Variants in CGNL1 observed in about 807,000 individuals in gnomAD.
CGNL1 encodes the protein cingulin like 1.
A neutral mutation model predicts 141.2 loss-of-function variants in CGNL1; 132 were observed. The observed-to-expected ratio is 0.93, with a 90% CI of 0.81 to 1.08. CGNL1 has a LOEUF of 1.08. CGNL1 is among the 50% of genes least tolerant of loss of function. CGNL1 has a pLI of 0.00. For missense variants in CGNL1, 1,870 were observed against 1,588.6 expected, an observed-to-expected ratio of 1.18 and a Z score of -3.01; for synonymous variants, 690 against 622.1, an observed-to-expected ratio of 1.11 and a Z score of -1.63.
At chr15:57,419,311 C>T (rs189771332) in intron 1 of CGNL1, among the ~76,000 whole-genome samples, 82 of 152,314 alleles carry the variant, frequency 5.4e-4, no homozygotes, top group Non-Finnish European at 1.9e-4. Context: ...AAAGATCATA[C>T]AGAAACTACA....
At chr15:57,446,212 G>A (rs2063249133) in intron 4 of CGNL1, among the ~76,000 whole-genome samples, 1 of 152,088 alleles carries the variant, frequency 6.6e-6, no homozygotes, top group Non-Finnish European at 1.5e-5. Flanking sequence ...TTGTTTTATT[G>A]GGGTATAACT....
intron 8 of CGNL1, among the ~76,000 whole-genome samples, chr15:57,462,569 G>A (rs1176921319): frequency 2.0e-5 from 3 of 152,178 alleles, no homozygotes; most frequent in Non-Finnish European, 2.9e-5. Context: ...AGGGAAAGAG[G>A]GGAATTACAG....
At chr15:57,503,199 G>A (rs1452016232) in intron 8 of CGNL1, among the ~76,000 whole-genome samples, 2 of 152,186 alleles carry the variant, frequency 1.3e-5, no homozygotes. Flanking sequence ...ATCCTCAATA[G>A]TTAGGTCAGT....
intron 13 of CGNL1, among the ~76,000 whole-genome samples, chr15:57,530,218 G>C (rs1334429225): frequency 6.6e-6 from 1 of 152,232 alleles, no homozygotes; most frequent in African/African-American, 2.4e-5. Flanking sequence ...TGGTGATTGG[G>C]TTGTTAGGTC....
intron 1 of CGNL1, among the ~76,000 whole-genome samples, chr15:57,401,341 G>A (rs1203367099): frequency 2.0e-5 from 3 of 152,166 alleles, no homozygotes; most frequent in Admixed American, 1.3e-4. Context: ...TATACATTGA[G>A]CCAGTGCGCC....
intron 8 of CGNL1, among the ~76,000 whole-genome samples, chr15:57,474,676 CT>C: frequency 6.6e-6 from 1 of 152,264 alleles, no homozygotes; most frequent in East Asian, 1.9e-4. Flanking sequence ...TAAAGGGATA[CT>C]ATTTGTGTTA....
At chr15:57,404,094 C>T (rs1326518938) in intron 1 of CGNL1, among the ~76,000 whole-genome samples, 2 of 152,226 alleles carry the variant, frequency 1.3e-5, no homozygotes, top group East Asian at 1.9e-4. Flanking sequence ...CTGTCTCTTC[C>T]TTCTCAGCCC....
At chr15:57,390,149 A>G (rs1030073835) in intron 1 of CGNL1, among the ~76,000 whole-genome samples, 12 of 152,190 alleles carry the variant, frequency 7.9e-5, no homozygotes, top group South Asian at 2.1e-4. Context: ...ACAAAGGTTC[A>G]TTTTCCCCTC....
chr15:57,406,418 C>T (rs1191032597), intron 1 of CGNL1, among the ~76,000 whole-genome samples: 1 of 152,150 alleles, frequency 6.6e-6, no homozygotes, highest in African/African-American at 2.4e-5. Context: ...GCATTCTGAA[C>T]TTTACAGGCT....
intron 13 of CGNL1, among the ~76,000 whole-genome samples, chr15:57,529,229 A>G (rs1378669655): frequency 6.6e-6 from 1 of 152,144 alleles, no homozygotes. Flanking sequence ...TTGCCACACC[A>G]CATTCTCCAT....
At chr15:57,404,842 A>C (rs758410455) in intron 1 of CGNL1, among the ~76,000 whole-genome samples, 3 of 152,140 alleles carry the variant, frequency 2.0e-5, no homozygotes, top group Non-Finnish European at 2.9e-5. Context: ...TTCATGTGGA[A>C]TTGGGAGATT....
At chr15:57,487,693 T>C (rs184506630) in intron 8 of CGNL1, among the ~76,000 whole-genome samples, 1 of 152,358 alleles carries the variant, frequency 6.6e-6, no homozygotes, top group Admixed American at 6.5e-5. Context: ...GATTGTGCTG[T>C]TATTGAGAAC....
At chr15:57,424,244 C>T (rs2062949192) in intron 1 of CGNL1, among the ~76,000 whole-genome samples, 2 of 152,334 alleles carry the variant, frequency 1.3e-5, no homozygotes, top group African/African-American at 2.4e-5. Flanking sequence ...CTGGCACTCA[C>T]ACGGCTTAGA....
chr15:57,429,854 G>A (rs2063023082), intron 1 of CGNL1, among the ~76,000 whole-genome samples: 1 of 152,180 alleles, frequency 6.6e-6, no homozygotes, highest in Admixed American at 6.5e-5. Context: ...CTATCACCCA[G>A]GCTGGCATGG....
intron 1 of CGNL1, among the ~76,000 whole-genome samples, chr15:57,425,482 C>G (rs1174810112): frequency 2.0e-5 from 3 of 152,208 alleles, no homozygotes; most frequent in Admixed American, 6.5e-5. Flanking sequence ...TGGCTCACGC[C>G]TTGTAATCTC....
chr15:57,532,185 A>G (rs893221383), intron 14 of CGNL1, among the ~76,000 whole-genome samples: 6 of 152,210 alleles, frequency 3.9e-5, no homozygotes, highest in African/African-American at 1.4e-4. Flanking sequence ...AGCACATTCT[A>G]TCATTAGAAG....
In CGNL1 at chr15:57,545,657, A is replaced by G. The variant is rs1469618929; in HGVS notation, c.3566A>G (p.Gln1189Arg). ...CGGAAAGTGAAGGAGCTGGTGATGCAGGTGGATGATGAGCACCTGTCATTG... is the reference window on the plus strand; with the variant it reads ...CGGAAAGTGAAGGAGCTGGTGATGCGGGTGGATGATGAGCACCTGTCATTG... ...LERKVKELVM[Q>R]VDDEHLSLTD... Residue 1189 changes from glutamine to arginine, a missense_variant, in exon 17 of 19, where the codon CAG becomes CGG. By Grantham distance (43) the Gln-to-Arg change is conservative. Coordinates refer to ENST00000281282, the MANE Select transcript of CGNL1 (RefSeq NM_032866.5). The G allele has an allele frequency of 6.2e-7, 1 of 1,613,760 alleles. No homozygotes were observed. Among genetic ancestry groups the G allele is most frequent in the East Asian group, 2.2e-5 (1 of 44,884 alleles).
intron 8 of CGNL1, among the ~76,000 whole-genome samples, chr15:57,467,002 A>C (rs2172612): frequency 0.07 from 10,695 of 152,192 alleles, 695 homozygotes; most frequent in East Asian, 0.34. Context: ...GATGAGGGAG[A>C]AGAGGAGGGA....
In CGNL1 at chr15:57,543,752, G is replaced by A; in HGVS notation, c.3348G>A (p.Glu1116=). 6.2e-7 allele frequency: 1 copy of A among 1,614,104 alleles called. No individual in the cohort carries two copies. The highest frequency in any genetic ancestry group is 1.3e-5 in the African/African-American group (1 of 75,020). The change falls in exon 15 of 19, where the codon GAG becomes GAA. Residue 1116 remains glutamate, a synonymous_variant. Transcript: ENST00000281282. ...LQERAARQDL[E]CDKISLERQN... ...AGAGAGCTGCGAGACAAGACTTGGA[G>A]TGCGACAAGATTTCCCTGGAGAGGC...
Sources: gnomAD v4.1 joint callset for allele counts (sites outside exome capture counted in the v4.1 genomes callset) on GRCh38, gnomAD v4.1.1 for gene constraint, MANE v1.5 for transcripts, NCBI Gene and HGNC (gene_info 2026-07-23, HGNC 2026-07-21) for gene names.